The following DPYS variants were observed in gnomAD, a reference collection of about 807,000 sequenced individuals.
The protein encoded by DPYS is dihydropyrimidinase.
Under a neutral mutation model 50.3 loss-of-function variants are expected in DPYS, and 39 were observed. The ratio of observed to expected loss-of-function variants is 0.78; its 90% confidence interval spans 0.60 to 1.01. The LOEUF (loss-of-function observed/expected upper bound fraction) is 1.01, where lower values mean the gene tolerates loss of function less well. Among genes scored for constraint, DPYS ranks in the 50% least tolerant of loss-of-function variants. The pLI is 0.00. For missense variants in DPYS, 659 were observed against 680.9 expected (o/e 0.97, Z 0.36); for synonymous variants, 245 against 250.7 (o/e 0.98, Z 0.22).
intron 7 of DPYS, among the ~76,000 whole-genome samples, chr8:104,407,730 T>C (rs1190641792): frequency 6.6e-6 from 1 of 151,704 alleles, no homozygotes; most frequent in African/African-American, 2.4e-5. Context: ...AACTTAGTCT[T>C]TTATCATTGT....
chr8:104,402,062 G>A lies in DPYS; in HGVS notation c.1236-9071C>T, dbSNP rs1326792347. On this transcript the variant is annotated intron_variant, in intron 7 of 9. Coordinates refer to ENST00000351513, the MANE Select transcript of DPYS (RefSeq NM_001385.3). ...CCAAGCATTGACTTAAAGGAATAAA[G>A]TTCACTCTGCTATTTTGTCCTTGGA... 2.0e-5 allele frequency among the ~76,000 whole-genome samples: 3 copies of A among 152,152 alleles called. No individual in the cohort carries two copies. In the South Asian group the frequency reaches 6.2e-4, roughly 31 times the overall value.
At chr8:104,429,281 C>T (rs1308719202) in intron 5 of DPYS, 3 of 488,978 alleles carry the variant, frequency 6.1e-6, no homozygotes, top group African/African-American at 1.9e-5. Flanking sequence ...GTTTGGGCAA[C>T]AAGAGATGAA....
At chr8:104,449,965 C>A (rs936492470) in intron 2 of DPYS, among the ~76,000 whole-genome samples, 1 of 152,088 alleles carries the variant, frequency 6.6e-6, no homozygotes, top group East Asian at 1.9e-4. Context: ...AACGAATAAC[C>A]CCCCTGAACA....
intron 7 of DPYS, among the ~76,000 whole-genome samples, chr8:104,402,811 T>G (rs1811864281): frequency 6.6e-6 from 1 of 152,210 alleles, no homozygotes; most frequent in South Asian, 2.1e-4. Flanking sequence ...TAAGAATCCC[T>G]AAGCCTAGCT....
intron 6 of DPYS, among the ~76,000 whole-genome samples, chr8:104,427,055 G>A (rs190205097): frequency 4.0e-5 from 6 of 151,694 alleles, no homozygotes; most frequent in South Asian, 2.1e-4. Flanking sequence ...ACAAAAATTT[G>A]CCAGTCATGG....
At chr8:104,383,618 T>C (rs1346560029) in intron 8 of DPYS, among the ~76,000 whole-genome samples, 2 of 141,682 alleles carry the variant, frequency 1.4e-5, no homozygotes, top group South Asian at 2.3e-4. Context: ...TTTTTTTTTT[T>C]CGAGACAGAG....
At chr8:104,391,373 A>G (rs1245564777) in intron 8 of DPYS, among the ~76,000 whole-genome samples, 3 of 152,208 alleles carry the variant, frequency 2.0e-5, no homozygotes, top group Non-Finnish European at 2.9e-5. Flanking sequence ...TACCATCTAC[A>G]TGGCCAGGCA....
At chr8:104,434,158 G>C (rs1184718156) in intron 4 of DPYS, among the ~76,000 whole-genome samples, 1 of 14,406 alleles carries the variant, frequency 6.9e-5, no homozygotes, top group Non-Finnish European at 1.2e-4. Context: ...CCTGGTTATA[G>C]GTAGATGTCA....
intron 1 of DPYS, among the ~76,000 whole-genome samples, chr8:104,453,056 T>C (rs371291781): frequency 1.3e-3 from 191 of 152,162 alleles, no homozygotes; most frequent in African/African-American, 4.4e-3. Context: ...CCCCAACAGC[T>C]TCCAGATACA....
Position 104,381,114 on chromosome 8 carries a change from C to G in DPYS, c.*14+70G>C, listed in dbSNP as rs1251320442. ...AGCCTCTGACCTTGATCTCTTCAAC[C>G]CTTATGAGGAGAGATGCTAATTTCA... On this transcript the variant is annotated intron_variant, in intron 9 of 9. Coordinates refer to ENST00000351513, the MANE Select transcript of DPYS (RefSeq NM_001385.3). 3.7e-5 allele frequency: 48 copies of G among 1,303,852 alleles called. No individual in the cohort carries two copies. The South Asian group carries it at 5.5e-4, about 15-fold the overall frequency. 80.8% of individuals were successfully genotyped at this position (1,303,852 alleles called of 1,614,324 possible).
chr8:104,397,480 G>C (rs1811633719), intron 7 of DPYS, among the ~76,000 whole-genome samples: 2 of 152,210 alleles, frequency 1.3e-5, no homozygotes, highest in Middle Eastern at 3.4e-3. Context: ...CTGTGTTTTG[G>C]GAACAGAACA....
chr8:104,417,636 A>G (rs1812411578), intron 7 of DPYS, among the ~76,000 whole-genome samples: 1 of 152,194 alleles, frequency 6.6e-6, no homozygotes. Flanking sequence ...GTCATAAGCA[A>G]TAGACACCAG....
At chr8:104,404,641 G>A (rs1472024334) in intron 7 of DPYS, among the ~76,000 whole-genome samples, 1 of 152,248 alleles carries the variant, frequency 6.6e-6, no homozygotes, top group Non-Finnish European at 1.5e-5. Flanking sequence ...TCCATCTGAA[G>A]AGATGACCTT....
At chr8:104,391,815 G>T (rs73699422) in intron 8 of DPYS, among the ~76,000 whole-genome samples, 19 of 152,036 alleles carry the variant, frequency 1.2e-4, no homozygotes, top group African/African-American at 4.1e-4. Flanking sequence ...TCACTCTGTT[G>T]TCCAGGCTGT....
chr8:104,453,168 CA>C (rs1347802011), intron 1 of DPYS, among the ~76,000 whole-genome samples: 1 of 152,126 alleles, frequency 6.6e-6, no homozygotes, highest in Admixed American at 6.5e-5. Context: ...TACTTGGCCC[CA>C]CTCCAATTCT....
At chr8:104,405,568 C>CT (rs1468628008) in intron 7 of DPYS, among the ~76,000 whole-genome samples, 2 of 152,212 alleles carry the variant, frequency 1.3e-5, no homozygotes, top group African/African-American at 4.8e-5. Context: ...CTTGGAGGCT[C>CT]TGTCAGAGCT....
At position 104,447,435 on chromosome 8, in the gene DPYS, A is replaced by C. The variant is rs758302200; in HGVS notation, c.492T>G (p.Tyr164Ter). ...GVNSFKMFMA[Y>*]KDLYMVTDLE... The stretch of plus-strand genomic sequence containing the variant: ...GGTCTGTCACCATGTACAGATCTTT[A>C]TAGGCCATAAACATCTTGAAAGAGT... Residue 164 changes from tyrosine (Y) to a stop codon, truncating the protein, a stop_gained, in exon 3 of 10, where the codon TAT becomes TAG. Transcript: ENST00000351513. LOFTEE classifies it high-confidence loss of function. 6.2e-7 allele frequency: 1 copy of C among 1,614,122 alleles called. No individual in the cohort carries two copies. The highest frequency in any genetic ancestry group is 1.7e-5 in the Admixed American group (1 of 60,014).
At chr8:104,444,129 G>C (rs1813447882) in intron 4 of DPYS, 119 bp downstream of exon 4, 1 of 1,119,160 alleles carries the variant, frequency 8.9e-7, no homozygotes, top group Admixed American at 1.9e-5. Flanking sequence ...TAAAAAGGGA[G>C]GAAGAAAAGT....
At chr8:104,465,825 T>A (rs1163080431) in intron 1 of DPYS, among the ~76,000 whole-genome samples, 1 of 152,180 alleles carries the variant, frequency 6.6e-6, no homozygotes, top group Non-Finnish European at 1.5e-5. Context: ...TTCTAGGCCT[T>A]TGTATCTAGA....
Sources: allele counts gnomAD v4.1 joint callset (sites outside exome capture counted in the v4.1 genomes callset), GRCh38; gene constraint gnomAD v4.1.1; transcripts MANE v1.5; gene names NCBI Gene and HGNC (gene_info 2026-07-23, HGNC 2026-07-21).